Variants in FUOM observed in about 807,000 individuals in gnomAD.
FUOM encodes the protein protein fucU homolog.
FUOM carries 19 observed loss-of-function variants against 18.3 expected under a neutral mutation model. The ratio of observed to expected loss-of-function variants is 1.04; its 90% confidence interval spans 0.73 to 1.53. The LOEUF is 1.53. Ranked by LOEUF, FUOM falls within the 40% of genes most tolerant of loss-of-function variation. The pLI is 0.00. For missense variants in FUOM, 210 were observed against 200.9 expected (o/e 1.04, Z -0.27); for synonymous variants, 102 against 87.9 (o/e 1.16, Z -0.90).
chr10:133,353,002 C>T (rs143381373), downstream of FUOM, among the ~76,000 whole-genome samples: 307 of 152,252 alleles, frequency 2.0e-3, 1 homozygote, highest in Non-Finnish European at 3.7e-3. Context: ...CCTTGTATAC[C>T]GGGATGGTGA....
In FUOM at chr10:133,355,373, C is replaced by T. The variant is rs1187137920; in HGVS notation, c.462G>A (p.Leu154=). The T allele has an allele frequency of 8.1e-6, 13 of 1,604,076 alleles. No homozygotes were observed. The highest frequency in any genetic ancestry group is 9.3e-6 in the Non-Finnish European group (11 of 1,177,750). The part of the protein sequence containing the change: ...RKGVLALNPL[L] ...GCCCAGGTGGTCTTCACCAGGCCTA[C>T]AGCAGGGGGTTGAGGGCAAGCACCC... is the stretch of plus-strand genomic sequence containing the variant. Residue 154 remains leucine, a synonymous_variant, in exon 6 of 6, where the codon CTG becomes CTA. Coordinates refer to ENST00000278025, the MANE Select transcript of FUOM (RefSeq NM_001098483.3).
Position 133,355,277 on chromosome 10 carries a change from G to A in FUOM, c.*93C>T. The stretch of plus-strand genomic sequence containing the variant: ...AGAGCCCTGGCCAGGGCCCAGGTCT[G>A]GGAGCTGCCACTGGGAGGCCTGTTG... On this transcript the variant is annotated 3_prime_UTR_variant, in exon 6 of 6. Transcript: ENST00000278025. 1 of 1,429,898 alleles carries A rather than the reference G, an allele frequency of 7.0e-7. No homozygotes were observed. Among genetic ancestry groups the A allele is most frequent in the Non-Finnish European group, 9.4e-7 (1 of 1,067,130 alleles). 88.6% of individuals were successfully genotyped at this position (1,429,898 alleles called of 1,614,324 possible).
chr10:133,357,184 C>T lies in FUOM; in HGVS notation c.154+3G>A. On this transcript the variant is annotated splice_donor_region_variant and intron_variant, in intron 2 of 5. Coordinates refer to ENST00000278025, the MANE Select transcript of FUOM (RefSeq NM_001098483.3). ...TGCCCTGGGGGACCTGGGGCTCGCT[C>T]ACCGTCTGCACGGATCTCCATGGGC... The T allele has an allele frequency of 6.4e-7, 1 of 1,569,252 alleles. No individual in the cohort carries two copies. Among genetic ancestry groups the T allele is most frequent in the Non-Finnish European group, 8.6e-7 (1 of 1,158,376 alleles).
At chr10:133,353,843 G>C (rs1192630912), downstream of FUOM, among the ~76,000 whole-genome samples, 1 of 152,100 alleles carries the variant, frequency 6.6e-6, no homozygotes, top group African/African-American at 2.4e-5. Flanking sequence ...GGATCAACAC[G>C]CTCAGGGCTG....
chr10:133,353,241 G>A (rs1161241679), downstream of FUOM, among the ~76,000 whole-genome samples: 1 of 152,170 alleles, frequency 6.6e-6, no homozygotes, highest in African/African-American at 2.4e-5. Flanking sequence ...CCAGGACATG[G>A]CCTTTCTGCC....
chr10:133,357,880 CTG>C (rs1365394599), intron 1 of FUOM, 41 bp downstream of exon 1: 1 of 1,480,828 alleles, frequency 6.8e-7, no homozygotes, highest in Admixed American at 2.0e-5. Context: ...GCCCTCCTGC[CTG>C]TCCCGGGGTG....
chr10:133,357,042 C>T (rs1461198214), intron 2 of FUOM, 29 bp from the exon 3 acceptor site: 2 of 1,547,924 alleles, frequency 1.3e-6, no homozygotes, highest in South Asian at 2.4e-5. Context: ...AGCACTCAGT[C>T]TCCAGCCCGC....
Position 133,357,233 on chromosome 10 carries a change from C to A in FUOM, c.108G>T (p.Pro36=). The A allele has an allele frequency of 6.3e-7, 1 of 1,581,826 alleles. No homozygotes were observed. The highest frequency in any genetic ancestry group is 1.2e-5 in the South Asian group (1 of 86,478). The part of the protein sequence containing the change: ...DEIVLADLNF[P]ASSICQCGPM... ...GCCCACACTGGCAGATGGAGGAGGC[C>A]GGGAAGTTCAAGTCCGCAAGAACTA... Residue 36 remains proline (P), a synonymous_variant, in exon 2 of 6, where the codon CCG becomes CCT. Coordinates refer to ENST00000278025, the MANE Select transcript of FUOM (RefSeq NM_001098483.3).
At chr10:133,357,408 T>C (rs1848844536) in intron 1 of FUOM, 153 bp from the exon 2 acceptor site, 1 of 746,504 alleles carries the variant, frequency 1.3e-6, no homozygotes, top group South Asian at 1.7e-5. Context: ...CCGGCCGCAG[T>C]CAGATCCGCA....
intron 1 of FUOM, 29 bp downstream of exon 1, chr10:133,357,894 T>C (rs1226135546): frequency 2.7e-6 from 4 of 1,505,286 alleles, no homozygotes; most frequent in East Asian, 2.7e-5. Context: ...CCCGGGGTGC[T>C]CCCCGAGGCC....
downstream of FUOM, among the ~76,000 whole-genome samples, chr10:133,353,321 T>G (rs1213525398): frequency 6.6e-6 from 1 of 152,200 alleles, no homozygotes; most frequent in African/African-American, 2.4e-5. Context: ...GGCCCAATGC[T>G]GCAGCGCAGG....
At chr10:133,355,574 C>G (rs550314591) in intron 5 of FUOM, 138 bp from the exon 6 acceptor site, 51 of 1,604,214 alleles carry the variant, frequency 3.2e-5, no homozygotes, top group Non-Finnish European at 4.3e-5. Context: ...GCCCTGCCCC[C>G]CCGAAATTCC....
At position 133,355,718 on chromosome 10, in the gene FUOM, C is replaced by A; in HGVS notation, c.398+20G>T. 6.2e-7 allele frequency: 1 copy of A among 1,612,530 alleles called. No homozygotes were observed. Among genetic ancestry groups the A allele is most frequent in the Non-Finnish European group, 8.5e-7 (1 of 1,179,376 alleles). ...AGGCCCCAGTGGGGATGGGGCAGGT[C>A]TGAGCCAGCTGGAACTCACCCCGTT... On this transcript the variant is annotated intron_variant, in intron 5 of 5. Coordinates refer to ENST00000278025, the MANE Select transcript of FUOM (RefSeq NM_001098483.3).
downstream of FUOM, among the ~76,000 whole-genome samples, chr10:133,353,978 TTA>T (rs1293620281): frequency 6.6e-6 from 1 of 152,006 alleles, no homozygotes; most frequent in Non-Finnish European, 1.5e-5. Flanking sequence ...TTTTTTTTTT[TTA>T]AAGCTATCTT....
downstream of FUOM, among the ~76,000 whole-genome samples, chr10:133,353,588 G>A (rs1184639838): frequency 1.3e-5 from 2 of 152,200 alleles, no homozygotes; most frequent in South Asian, 2.1e-4. Flanking sequence ...CCCAGGTGTG[G>A]AAGAGCTCCT....
At position 133,356,705 on chromosome 10, in the gene FUOM, CCTT is replaced by C. The variant is rs1226658047; in HGVS notation, c.256_258del (p.Lys86del). On this transcript the variant is annotated inframe_deletion, in exon 4 of 6. Coordinates refer to ENST00000278025, the MANE Select transcript of FUOM (RefSeq NM_001098483.3). ...CACACTGGGGTCTGCAGGCCCCTCT[CCTT>C]GTCGCTGGGCACCAGCTCCATGACT... is the stretch of plus-strand genomic sequence containing the variant. 1 of 1,598,814 alleles carries C rather than the reference CCTT, an allele frequency of 6.3e-7. No homozygotes were observed. Among genetic ancestry groups the C allele is most frequent in the Non-Finnish European group, 8.5e-7 (1 of 1,171,760 alleles).
At chr10:133,355,666 C>G in intron 5 of FUOM, 72 bp downstream of exon 5, 9 of 1,568,094 alleles carry the variant, frequency 5.7e-6, no homozygotes, top group South Asian at 1.1e-5. Flanking sequence ...TCCTGAGGCC[C>G]CCCGGTGGGG....
chr10:133,355,337 T>G lies in FUOM; in HGVS notation c.*33A>C. On this transcript the variant is annotated 3_prime_UTR_variant, in exon 6 of 6. Transcript: ENST00000278025. ...GTACTGGAGCTCAGGGTGCCCCCAG[T>G]TCCTCTTCCGGCCCAGGTGGTCTTC... is the stretch of plus-strand genomic sequence containing the variant. The G allele has an allele frequency of 6.4e-7, 1 of 1,569,614 alleles. No homozygotes were observed. The highest frequency in any genetic ancestry group is 2.3e-5 in the East Asian group (1 of 43,248).
intron 1 of FUOM, 176 bp from the exon 2 acceptor site, chr10:133,357,431 AC>A: frequency 6.0e-6 from 4 of 671,118 alleles, no homozygotes; most frequent in Non-Finnish European, 1.1e-5. Flanking sequence ...GCTGGAAGCC[AC>A]GCGGGGAGGT....
Sources: gnomAD v4.1 joint callset for allele counts (sites outside exome capture counted in the v4.1 genomes callset) on GRCh38, gnomAD v4.1.1 for gene constraint, MANE v1.5 for transcripts, NCBI Gene and HGNC (gene_info 2026-07-23, HGNC 2026-07-21) for gene names.